The following TTBK1 variants were observed in gnomAD, a reference collection of about 807,000 sequenced individuals.
TTBK1 encodes the protein tau-tubulin kinase 1.
TTBK1 carries 34 observed loss-of-function variants against 108.5 expected under a neutral mutation model. The ratio of observed to expected loss-of-function variants is 0.31; its 90% CI spans 0.24 to 0.42. The LOEUF is 0.42. Among genes scored for constraint, TTBK1 ranks in the 10% least tolerant of loss-of-function variants. TTBK1 has a pLI of 1.00. For missense variants in TTBK1, 1,539 were observed against 1,826.0 expected, an observed-to-expected ratio of 0.84 and a Z score of 2.86; for synonymous variants, 809 against 795.1, an observed-to-expected ratio of 1.02 and a Z score of -0.29.
chr6:43,246,860 T>C (rs1213947628), intron 2 of TTBK1, 92 bp downstream of exon 2: 1 of 989,092 alleles, frequency 1.0e-6, no homozygotes, highest in Middle Eastern at 2.2e-4. Flanking sequence ...TCCGCTCCCC[T>C]ACCCTAAGAG....
chr6:43,271,259 C>A, intron 13 of TTBK1: 2 of 985,496 alleles, frequency 2.0e-6, no homozygotes, highest in Non-Finnish European at 2.4e-6. Flanking sequence ...TGCTTGTGTG[C>A]ATGCGCGTAC....
At chr6:43,251,115 T>C (rs1024536634) in intron 2 of TTBK1, among the ~76,000 whole-genome samples, 4 of 152,256 alleles carry the variant, frequency 2.6e-5, no homozygotes, top group Non-Finnish European at 5.9e-5. Flanking sequence ...CTTTTCCATA[T>C]CTTCCCTTCC....
At position 43,257,689 on chromosome 6, in the gene TTBK1, C is replaced by A; in HGVS notation, c.862-123C>A. ...TGTGCCGTTCTCCTTCCAATGCCCC[C>A]TCCAGGCCCATTCCTGTCCTGGAAA... On this transcript the variant is annotated intron_variant, in intron 9 of 14. Transcript: ENST00000259750. This position sits in a 1 kb window ranked among gnomAD's most constrained non-coding sequence, Gnocchi z 4.5. 1 of 940,948 alleles carries A rather than the reference C, an allele frequency of 1.1e-6. No homozygotes were observed. The allele number at this position is 940,948 out of a possible 1,614,324, so 58.3% of individuals were successfully genotyped here.
chr6:43,286,266 TC>T lies in TTBK1; in HGVS notation c.*894del, dbSNP rs1778380008. On this transcript the variant is annotated 3_prime_UTR_variant, in exon 15 of 15. Coordinates refer to ENST00000259750, the MANE Select transcript of TTBK1 (RefSeq NM_032538.3). The surrounding 1 kb of genome is among the most constrained non-coding windows in gnomAD (Gnocchi z 4.6). ...GGGGCTTTAACAAAGTTTTACTCCCTCCCCTGTTCCCCTGATCTAGTGCTCA... is the reference window on the plus strand; with the variant it reads ...GGGGCTTTAACAAAGTTTTACTCCCTCCCTGTTCCCCTGATCTAGTGCTCA... 1 of 152,746 alleles carries T rather than the reference TC, an allele frequency of 6.5e-6. No homozygotes were observed. 9.5% of individuals were successfully genotyped at this position (152,746 alleles called of 1,614,324 possible).
chr6:43,271,456 G>C, intron 13 of TTBK1: 1 of 985,436 alleles, frequency 1.0e-6, no homozygotes, highest in Non-Finnish European at 1.2e-6. Flanking sequence ...GTGTTAGGGA[G>C]CCAGAAAGAT....
chr6:43,259,614 C>T lies in TTBK1; in HGVS notation c.1332C>T (p.Thr444=), dbSNP rs1392728599. Residue 444 remains threonine, a synonymous_variant, in exon 12 of 15, where the codon ACC becomes ACT. Transcript: ENST00000259750. The surrounding 1 kb of genome is among the most constrained non-coding windows in gnomAD (Gnocchi z 6.7). ...PVRAPPDSPT[T]PVRSLRYRRV... ...GTGCCCCCCCAGACTCCCCCACAACCCCAGTCCGTTCTCTGCGCTACCGGA... is the reference window on the plus strand; with the variant it reads ...GTGCCCCCCCAGACTCCCCCACAACTCCAGTCCGTTCTCTGCGCTACCGGA... The T allele has an allele frequency of 6.2e-7, 1 of 1,612,088 alleles. No homozygotes were observed. The highest frequency in any genetic ancestry group is 1.3e-5 in the African/African-American group (1 of 75,024).
At position 43,269,879 on chromosome 6, in the gene TTBK1, C is replaced by T; in HGVS notation, c.1986+6529C>T. ...CCCTCGCTGCTGGCAACCACAGACT[C>T]ATGCCCTCGGTGCTCCGCATCTCGC... On this transcript the variant is annotated intron_variant, in intron 13 of 14. Coordinates refer to ENST00000259750, the MANE Select transcript of TTBK1 (RefSeq NM_032538.3). The surrounding 1 kb of genome is among the most constrained non-coding windows in gnomAD (Gnocchi z 4.8). 6.5e-7 allele frequency: 1 copy of T among 1,527,658 alleles called. No individual in the cohort carries two copies. Among genetic ancestry groups the T allele is most frequent in the Non-Finnish European group, 8.8e-7 (1 of 1,141,722 alleles). 94.6% of individuals were successfully genotyped at this position (1,527,658 alleles called of 1,614,324 possible). A position where few individuals can be genotyped will look rare whatever the true frequency, so the allele number is the denominator to read the frequency against.
At chr6:43,267,433 C>G (rs1436746003) in intron 13 of TTBK1, among the ~76,000 whole-genome samples, 1 of 152,110 alleles carries the variant, frequency 6.6e-6, no homozygotes, top group Non-Finnish European at 1.5e-5. Flanking sequence ...TTCCCACCAC[C>G]TTTTTGGAGG....
chr6:43,284,175 G>C lies in TTBK1; in HGVS notation c.3435G>C (p.Lys1145Asn). 1 of 1,562,114 alleles carries C rather than the reference G, an allele frequency of 6.4e-7. No homozygotes were observed. The highest frequency in any genetic ancestry group is 1.2e-5 in the South Asian group (1 of 86,666). ...AGCCGGCAGCGGCCTTGCCCAGGAA[G>C]AGCGGGAGGGCAGCCGCCACCAGGA... ...ASEPAAALPR[K>N]SGRAAATRSR... is the part of the protein sequence containing the mutation. Residue 1145 changes from lysine (K) to asparagine (N), a missense_variant, in exon 14 of 15, where the codon AAG (lysine) becomes AAC (asparagine). By Grantham distance (94) the Lys-to-Asn change is moderately conservative (BLOSUM62 0). Coordinates refer to ENST00000259750, the MANE Select transcript of TTBK1 (RefSeq NM_032538.3).
At chr6:43,270,693 C>T in intron 13 of TTBK1, 1 of 985,370 alleles carries the variant, frequency 1.0e-6, no homozygotes, top group Non-Finnish European at 1.2e-6. Flanking sequence ...GGGTGTCTGT[C>T]CTCGGCTCCT....
intron 13 of TTBK1, among the ~76,000 whole-genome samples, chr6:43,267,516 A>T (rs1000387029): frequency 6.6e-6 from 1 of 152,176 alleles, no homozygotes; most frequent in Non-Finnish European, 1.5e-5. Context: ...AATCATTTAA[A>T]CTATGAGCAC....
rs139836965 is a variant in TTBK1 at position 43,257,928 on chromosome 6, G to C, written c.978G>C (p.Pro326=). ...TCCTGTCCACGAGCACCTCTACCCC[G>C]CCCCAGCAGAACACCCGGCAGACGG... The part of the protein sequence containing the change: ...DALLSTSTST[P]PQQNTRQTAA... The change falls in exon 10 of 15, where the codon CCG becomes CCC. Residue 326 remains proline (P), a synonymous_variant. Coordinates refer to ENST00000259750, the MANE Select transcript of TTBK1 (RefSeq NM_032538.3). The surrounding 1 kb of genome is among the most constrained non-coding windows in gnomAD (Gnocchi z 4.5). 1.9e-6 allele frequency: 3 copies of C among 1,613,658 alleles called. No individual in the cohort carries two copies. The South Asian group carries it at 3.3e-5, about 18-fold the overall frequency.
intron 13 of TTBK1, chr6:43,271,471 A>C (rs1444102110): frequency 1.0e-6 from 1 of 985,274 alleles, no homozygotes; most frequent in African/African-American, 1.7e-5. Flanking sequence ...AAAGATGTCT[A>C]TGCAGTCATT....
rs185622922 is a variant in TTBK1 at position 43,265,768 on chromosome 6, C to T, written c.1986+2418C>T. 1.9e-3 allele frequency among the ~76,000 whole-genome samples: 287 copies of T among 152,242 alleles called. 1 individual carries two copies. The highest frequency in any genetic ancestry group is 6.8e-3 in the Middle Eastern group (2 of 294). ...GTGACAGACAGTGTCAAGAGAGAGC[C>T]GAGAATTAAAGTCAGGAGACTGAGG... is the stretch of plus-strand genomic sequence containing the variant. On this transcript the variant is annotated intron_variant, in intron 13 of 14. Transcript: ENST00000259750. The surrounding 1 kb of genome is among the most constrained non-coding windows in gnomAD (Gnocchi z 4.1).
chr6:43,269,494 T>A lies in TTBK1; in HGVS notation c.1986+6144T>A. The A allele has an allele frequency of 1.2e-6, 1 of 836,968 alleles. No individual in the cohort carries two copies. The highest frequency in any genetic ancestry group is 1.8e-6 in the Non-Finnish European group (1 of 569,818). The allele number at this position is 836,968 out of a possible 1,614,324, so 51.8% of individuals were successfully genotyped here. A position where few individuals can be genotyped will look rare whatever the true frequency, so the allele number is the denominator to read the frequency against. ...TGAGGCAGGACCTTGGGGCGGGTGG[T>A]TTGCACCCTCCTCCACCCTGCCTGA... On this transcript the variant is annotated intron_variant, in intron 13 of 14. Transcript: ENST00000259750. This position sits in a 1 kb window ranked among gnomAD's most constrained non-coding sequence, Gnocchi z 4.8.
chr6:43,246,339 T>A (rs73733503), intron 1 of TTBK1, among the ~76,000 whole-genome samples: 5,278 of 152,268 alleles, frequency 0.035, 274 homozygotes, highest in African/African-American at 0.12. Context: ...TTAGAGTATG[T>A]CTCTCTCCCC....
In TTBK1 at chr6:43,288,114, C is replaced by G. The variant is rs562197994; in HGVS notation, c.*2738C>G. 7 of 152,880 alleles carry G rather than the reference C, an allele frequency of 4.6e-5. No individual in the cohort carries two copies. The East Asian group carries it at 7.7e-4, about 17-fold the overall frequency. 9.5% of individuals were successfully genotyped at this position (152,880 alleles called of 1,614,324 possible). A position where few individuals can be genotyped will look rare whatever the true frequency, so the allele number is the denominator to read the frequency against. On this transcript the variant is annotated 3_prime_UTR_variant, in exon 15 of 15. Transcript: ENST00000259750. The surrounding 1 kb of genome is among the most constrained non-coding windows in gnomAD (Gnocchi z 4.4). The stretch of plus-strand genomic sequence containing the variant: ...GCCAAACAGAATGTAACACCCCTCC[C>G]CAAGCCCTTCCCAGTCACTGCATGG...
rs1451668234 is a variant in TTBK1, at chr6:43,257,070, G to C, written c.862-742G>C. On this transcript the variant is annotated intron_variant, in intron 9 of 14. Transcript: ENST00000259750. The surrounding 1 kb of genome is among the most constrained non-coding windows in gnomAD (Gnocchi z 4.5). ...GAGTAGAGACAGCCTGAGGCACACA[G>C]GATGCACTCAATTAAGCCGGTCCTC... Among the ~76,000 whole-genome samples, 1 of 152,224 alleles carries C rather than the reference G, an allele frequency of 6.6e-6. No individual in the cohort carries two copies. The highest frequency in any genetic ancestry group is 1.5e-5 in the Non-Finnish European group (1 of 68,038).
At chr6:43,268,351 C>CCTTCT (rs1777735819) in intron 13 of TTBK1, among the ~76,000 whole-genome samples, 1 of 152,198 alleles carries the variant, frequency 6.6e-6, no homozygotes, top group Non-Finnish European at 1.5e-5. Flanking sequence ...GGATCCTAGA[C>CCTTCT]TTGGCCAAAA....
Sources: gnomAD v4.1 joint callset for allele counts (sites outside exome capture counted in the v4.1 genomes callset) on GRCh38, gnomAD v4.1.1 for gene constraint, Gnocchi (gnomAD v3.1) non-coding constraint, MANE v1.5 for transcripts, NCBI Gene and HGNC (gene_info 2026-07-23, HGNC 2026-07-21) for gene names.